Variants in CCNY observed in about 807,000 individuals in gnomAD.
CCNY encodes the protein cyclin Y.
Under a neutral mutation model 42.8 loss-of-function variants are expected in CCNY, and 19 were observed. The ratio of observed to expected loss-of-function variants is 0.44; its 90% CI spans 0.31 to 0.65. The LOEUF (loss-of-function observed/expected upper bound fraction) is 0.65. Among genes scored for constraint, CCNY ranks in the 30% least tolerant of loss-of-function variants. CCNY has a pLI of 0.07. For synonymous variants in CCNY, 165 were observed against 162.7 expected, an observed-to-expected ratio of 1.01 and a Z score of -0.11; for missense variants, 370 against 437.3, an observed-to-expected ratio of 0.85 and a Z score of 1.37.
At chr10:35,330,760 T>TA (rs913726744) in intron 3 of CCNY, among the ~76,000 whole-genome samples, 53 of 151,030 alleles carry the variant, frequency 3.5e-4, no homozygotes, top group East Asian at 9.7e-4. Context: ...GCTTTTATTT[T>TA]TTTTTTTTTT....
At chr10:35,341,091 C>T (rs191924876) in intron 1 of CCNY, among the ~76,000 whole-genome samples, 22 of 152,336 alleles carry the variant, frequency 1.4e-4, no homozygotes, top group Non-Finnish European at 2.5e-4. Context: ...CACTCAAAAA[C>T]GGCAGTGACT....
chr10:35,478,758 G>A (rs1839582964), intron 1 of CCNY, among the ~76,000 whole-genome samples: 1 of 152,134 alleles, frequency 6.6e-6, no homozygotes, highest in African/African-American at 2.4e-5. Context: ...AACACCAAAA[G>A]CAATGGCAAC....
chr10:35,566,323 T>TG (rs1841571552), intron 9 of CCNY, 138 bp downstream of exon 9: 1 of 885,468 alleles, frequency 1.1e-6, no homozygotes. Context: ...GATATATAGC[T>TG]GGGCAGTTGA....
intron 1 of CCNY, among the ~76,000 whole-genome samples, chr10:35,474,596 A>C (rs1048895531): frequency 2.1e-4 from 32 of 152,178 alleles, no homozygotes; most frequent in Non-Finnish European, 2.9e-4. Flanking sequence ...CCTGTCTGTT[A>C]GAAGGAAAAC....
intron 1 of CCNY, among the ~76,000 whole-genome samples, chr10:35,356,514 A>G (rs867921170): frequency 2.0e-5 from 3 of 152,264 alleles, no homozygotes; most frequent in Middle Eastern, 3.4e-3. Context: ...GGATGTGGCA[A>G]CGGGAAGCGT....
chr10:35,372,613 T>G (rs1407799128), intron 1 of CCNY, among the ~76,000 whole-genome samples: 1 of 152,238 alleles, frequency 6.6e-6, no homozygotes, highest in Non-Finnish European at 1.5e-5. Context: ...TTGCTGGGCA[T>G]CAGCCCTTCC....
intron 1 of CCNY, among the ~76,000 whole-genome samples, chr10:35,451,878 C>T (rs1008869281): frequency 5.3e-5 from 8 of 152,234 alleles, no homozygotes; most frequent in African/African-American, 1.9e-4. Context: ...AGGCGAGCCA[C>T]ACATTCCACA....
Position 35,569,298 on chromosome 10 carries a change from C to G in CCNY, c.*128C>G. 1.5e-6 allele frequency: 1 copy of G among 659,230 alleles called. No individual in the cohort carries two copies. Among genetic ancestry groups the G allele is most frequent in the Non-Finnish European group, 2.7e-6 (1 of 369,826 alleles). 40.8% of individuals were successfully genotyped at this position (659,230 alleles called of 1,614,324 possible). A position where few individuals can be genotyped will look rare whatever the true frequency, so the allele number is the denominator to read the frequency against. On this transcript the variant is annotated 3_prime_UTR_variant, in exon 10 of 10. Coordinates refer to ENST00000374704, the MANE Select transcript of CCNY (RefSeq NM_145012.6). ...TTTTTTTACGCATAGCTCCGTCAAG[C>G]TGCCTGGATGAGCGCCCATGCAGCA... is the stretch of plus-strand genomic sequence containing the variant.
intron 3 of CCNY, among the ~76,000 whole-genome samples, chr10:35,277,489 G>C (rs1835252527): frequency 6.6e-6 from 1 of 152,032 alleles, no homozygotes; most frequent in Non-Finnish European, 1.5e-5. Flanking sequence ...TCAGCTCTGG[G>C]CCAGGTCCTC....
chr10:35,541,225 T>C (rs886162658), intron 7 of CCNY, among the ~76,000 whole-genome samples: 16 of 152,170 alleles, frequency 1.1e-4, no homozygotes, highest in Non-Finnish European at 2.1e-4. Flanking sequence ...TAATAAACTT[T>C]TGTTTTAAAT....
chr10:35,397,197 GAAACA>G (rs1490799187), intron 1 of CCNY, among the ~76,000 whole-genome samples: 6 of 152,292 alleles, frequency 3.9e-5, no homozygotes, highest in Admixed American at 1.3e-4. Flanking sequence ...AAGAAAAGTG[GAAACA>G]AAACAAAAGT....
At chr10:35,486,833 C>CGG (rs2135372528) in intron 2 of CCNY, among the ~76,000 whole-genome samples, 1 of 152,300 alleles carries the variant, frequency 6.6e-6, no homozygotes, top group Admixed American at 6.5e-5. Context: ...CTTTTTCACA[C>CGG]AGCTGATTTC....
rs188084699 is a variant in CCNY, at chr10:35,492,907, C to T, written c.230-8594C>T. Among the ~76,000 whole-genome samples the T allele has an allele frequency of 9.2e-4, 140 of 152,230 alleles. 2 individuals are homozygous for T. The Middle Eastern group carries it at 0.027, about 30-fold the overall frequency. ...GGCTCAGGTGGTGTATTTGGGCTTT[C>T]CTATTCCGGGTCAGAACTCAGCATG... On this transcript the variant is annotated intron_variant, in intron 2 of 9. Coordinates refer to ENST00000374704, the MANE Select transcript of CCNY (RefSeq NM_145012.6).
intron 1 of CCNY, among the ~76,000 whole-genome samples, chr10:35,418,620 G>T (rs1214035789): frequency 6.6e-6 from 1 of 152,054 alleles, no homozygotes; most frequent in Admixed American, 6.6e-5. Context: ...TGCCTCCGTT[G>T]CTCAGAGTAG....
chr10:35,336,668 C>G lies in CCNY; in HGVS notation c.-386C>G, dbSNP rs1044468295. Among the ~76,000 whole-genome samples the G allele has an allele frequency of 6.8e-6, 1 of 147,806 alleles. No individual in the cohort carries two copies. Among genetic ancestry groups the G allele is most frequent in the Non-Finnish European group, 1.5e-5 (1 of 66,240 alleles). ...GCCGAGGCGGCCGCCGTCGCCGCAGCCGCCGGGGAAGCGGACACCAACTGG... is the reference window on the plus strand; with the variant it reads ...GCCGAGGCGGCCGCCGTCGCCGCAGGCGCCGGGGAAGCGGACACCAACTGG... On this transcript the variant is annotated 5_prime_UTR_variant, in exon 1 of 10. Transcript: ENST00000374704.
intron 1 of CCNY, among the ~76,000 whole-genome samples, chr10:35,364,875 T>C (rs985034062): frequency 6.6e-6 from 1 of 152,256 alleles, no homozygotes; most frequent in African/African-American, 2.4e-5. Context: ...TAAGTGAGAA[T>C]TGAGCCCTTC....
chr10:35,566,226 C>T, intron 9 of CCNY, 41 bp downstream of exon 9: 2 of 1,582,852 alleles, frequency 1.3e-6, no homozygotes, highest in East Asian at 2.2e-5. Context: ...GCAGTGTTGC[C>T]AATACATCAT....
intron 1 of CCNY, among the ~76,000 whole-genome samples, chr10:35,401,071 C>A (rs1837633151): frequency 6.6e-6 from 1 of 152,256 alleles, no homozygotes; most frequent in South Asian, 2.1e-4. Flanking sequence ...CAGCAACTGG[C>A]CGGCCCCGGC....
At chr10:35,435,077 G>T (rs1413531935) in intron 1 of CCNY, among the ~76,000 whole-genome samples, 1 of 152,186 alleles carries the variant, frequency 6.6e-6, no homozygotes, top group Non-Finnish European at 1.5e-5. Context: ...CCTGGATTGG[G>T]GCAATGAGTT....
Sources: allele counts gnomAD v4.1 joint callset (sites outside exome capture counted in the v4.1 genomes callset), GRCh38; gene constraint gnomAD v4.1.1; transcripts MANE v1.5; gene names NCBI Gene and HGNC (gene_info 2026-07-23, HGNC 2026-07-21).